MSRA: variants seen among roughly 807,000 people sequenced by gnomAD.
The protein encoded by MSRA is mitochondrial peptide methionine sulfoxide reductase.
In MSRA, 54 loss-of-function variants were observed where a neutral mutation model predicts 31.3. The ratio of observed to expected loss-of-function variants is 1.73; its 90% CI spans 1.39 to 2.17. The LOEUF (loss-of-function observed/expected upper bound fraction) is 2.17. Among genes scored for constraint, MSRA ranks in the 30% most tolerant of loss-of-function variants. The pLI is 0.00. For missense variants in MSRA, 507 were observed against 300.9 expected (o/e 1.69, Z -5.07); for synonymous variants, 169 against 116.5 (o/e 1.45, Z -2.90).
chr8:10,055,351 TG>T (rs1390096626), intron 1 of MSRA, among the ~76,000 whole-genome samples: 9 of 152,248 alleles, frequency 5.9e-5, no homozygotes, highest in African/African-American at 2.2e-4. Context: ...AATGTTCACG[TG>T]CTTCGATGCC....
chr8:10,325,471 G>C (rs1802307887), intron 5 of MSRA, among the ~76,000 whole-genome samples: 2 of 151,994 alleles, frequency 1.3e-5, no homozygotes, highest in African/African-American at 2.4e-5. Context: ...GTGTTTATCT[G>C]TGTACATATA....
At chr8:10,294,970 A>C (rs1800453684) in intron 3 of MSRA, among the ~76,000 whole-genome samples, 1 of 152,072 alleles carries the variant, frequency 6.6e-6, no homozygotes, top group Non-Finnish European at 1.5e-5. Context: ...ACCTTCCCTG[A>C]AACTGGGAGG....
intron 1 of MSRA, among the ~76,000 whole-genome samples, chr8:10,122,552 G>T (rs1451585827): frequency 6.6e-6 from 1 of 151,658 alleles, no homozygotes; most frequent in South Asian, 2.1e-4. Context: ...TTAACTTTTA[G>T]GTCAGGGATA....
At chr8:10,412,928 A>G (rs901466076) in intron 5 of MSRA, among the ~76,000 whole-genome samples, 8 of 152,264 alleles carry the variant, frequency 5.3e-5, no homozygotes, top group African/African-American at 1.7e-4. Flanking sequence ...GAAATTTCCC[A>G]TCATTTAATA....
At chr8:10,193,142 C>A (rs1475516323) in intron 1 of MSRA, among the ~76,000 whole-genome samples, 1 of 152,204 alleles carries the variant, frequency 6.6e-6, no homozygotes, top group African/African-American at 2.4e-5. Flanking sequence ...ATGCTGAAGT[C>A]TTCTTATAGC....
intron 3 of MSRA, among the ~76,000 whole-genome samples, chr8:10,256,136 T>TC (rs905282747): frequency 2.8e-4 from 43 of 151,098 alleles, no homozygotes; most frequent in African/African-American, 6.1e-4. Flanking sequence ...CAGCCCATCC[T>TC]CCCCCCCCAA....
chr8:10,398,752 C>G (rs1807259128), intron 5 of MSRA, among the ~76,000 whole-genome samples: 1 of 152,214 alleles, frequency 6.6e-6, no homozygotes, highest in Non-Finnish European at 1.5e-5. Context: ...TGTTTCTATT[C>G]AGATGAAAGG....
At chr8:10,425,218 G>GCCGCCACCTCTATCCGCCAC (rs1220772508) in intron 5 of MSRA, among the ~76,000 whole-genome samples, 3 of 152,218 alleles carry the variant, frequency 2.0e-5, no homozygotes, top group African/African-American at 7.2e-5. Context: ...CAGGCCGGTG[G>GCCGCCACCTCTATCCGCCAC]CCGCCACCTC....
chr8:10,276,198 A>G (rs1799312973), intron 3 of MSRA, among the ~76,000 whole-genome samples: 2 of 152,212 alleles, frequency 1.3e-5, no homozygotes, highest in Admixed American at 1.3e-4. Flanking sequence ...TCAGCAGTCC[A>G]CAGCAGTGGC....
intron 3 of MSRA, among the ~76,000 whole-genome samples, chr8:10,249,291 T>C (rs13274653): frequency 0.21 from 31,677 of 152,146 alleles, 4,135 homozygotes; most frequent in Admixed American, 0.33. Flanking sequence ...CTCTGAGATA[T>C]ATATCTCAGT....
intron 5 of MSRA, among the ~76,000 whole-genome samples, chr8:10,366,395 C>T (rs991830236): frequency 1.8e-4 from 27 of 152,246 alleles, no homozygotes; most frequent in Admixed American, 1.1e-3. Flanking sequence ...CAGGGCACTG[C>T]GTGGCCCTGA....
At chr8:10,232,175 G>T (rs1028270885) in intron 2 of MSRA, among the ~76,000 whole-genome samples, 1 of 152,160 alleles carries the variant, frequency 6.6e-6, no homozygotes, top group Non-Finnish European at 1.5e-5. Context: ...GCAGGGGAAA[G>T]AGCTGGAAGA....
intron 3 of MSRA, chr8:10,250,907 A>G (rs185222025): frequency 3.9e-4 from 61 of 154,436 alleles, no homozygotes; most frequent in African/African-American, 1.4e-3. Context: ...AATAAAAAAA[A>G]TTGTTGCAAA....
rs145874180 is a variant in MSRA, at chr8:10,235,391, A to C, written c.212-9713A>C. 9.9e-5 allele frequency among the ~76,000 whole-genome samples: 15 copies of C among 152,280 alleles called. No individual in the cohort carries two copies. In the East Asian group the frequency reaches 2.5e-3, roughly 25 times the overall value. ...AAAGTACTACATATCTATACGTGAG[A>C]TGTATCTAGAACAAACCTTAGAGGT... is the stretch of plus-strand genomic sequence containing the variant. On this transcript the variant is annotated intron_variant, in intron 2 of 5. Transcript: ENST00000317173.
At chr8:10,230,938 C>T (rs1811420467) in intron 2 of MSRA, among the ~76,000 whole-genome samples, 1 of 152,198 alleles carries the variant, frequency 6.6e-6, no homozygotes. Context: ...GTATGTGCCA[C>T]CACGCCTGGC....
intron 2 of MSRA, among the ~76,000 whole-genome samples, chr8:10,237,147 T>C (rs1020349028): frequency 2.0e-5 from 3 of 152,254 alleles, no homozygotes; most frequent in African/African-American, 7.2e-5. Flanking sequence ...GTTGGTCTCA[T>C]AACTAGGTTG....
At chr8:10,159,522 T>A (rs1005126381) in intron 1 of MSRA, among the ~76,000 whole-genome samples, 2 of 152,202 alleles carry the variant, frequency 1.3e-5, no homozygotes, top group Non-Finnish European at 2.9e-5. Context: ...TTTAGAAAAA[T>A]GCATGGAAGT....
At chr8:10,366,663 C>T (rs952997821) in intron 5 of MSRA, among the ~76,000 whole-genome samples, 1 of 152,210 alleles carries the variant, frequency 6.6e-6, no homozygotes, top group African/African-American at 2.4e-5. Flanking sequence ...GTACCTGTAA[C>T]AGTACCTGCT....
At chr8:10,075,440 G>C (rs115033482) in intron 1 of MSRA, among the ~76,000 whole-genome samples, 3 of 152,198 alleles carry the variant, frequency 2.0e-5, no homozygotes, top group African/African-American at 7.2e-5. Flanking sequence ...TGTGTGTCCA[G>C]TGGCTGACTT....
Sources: gnomAD v4.1 joint callset for allele counts (sites outside exome capture counted in the v4.1 genomes callset) on GRCh38, gnomAD v4.1.1 for gene constraint, MANE v1.5 for transcripts, NCBI Gene and HGNC (gene_info 2026-07-23, HGNC 2026-07-21) for gene names.